The following UVRAG variants were observed in gnomAD, a reference collection of about 807,000 sequenced individuals.
UVRAG encodes the protein UV radiation resistance associated, also known as UV radiation resistance-associated gene protein.
A neutral mutation model predicts 78.0 loss-of-function variants in UVRAG; 19 were observed. That is an observed-to-expected ratio of 0.24 (90% confidence interval 0.17 to 0.36). The LOEUF is 0.36. UVRAG is among the 10% of genes least tolerant of loss of function. UVRAG has a pLI of 1.00. For missense variants in UVRAG, 740 were observed against 853.8 expected (o/e 0.87, Z 1.66); for synonymous variants, 323 against 324.6 (o/e 1.00, Z 0.05).
chr11:75,915,840 G>A (rs1358740058), intron 6 of UVRAG, among the ~76,000 whole-genome samples: 5 of 152,110 alleles, frequency 3.3e-5, no homozygotes, highest in African/African-American at 4.8e-5. Context: ...AAAGAGAGGA[G>A]GAGTAAATGA....
chr11:76,089,229 T>C (rs1004657177), intron 13 of UVRAG, among the ~76,000 whole-genome samples: 3 of 152,192 alleles, frequency 2.0e-5, no homozygotes, highest in African/African-American at 7.2e-5. Context: ...GGAGAAATTA[T>C]ACAGTAAGCG....
At chr11:75,957,756 C>A (rs894967490) in intron 6 of UVRAG, among the ~76,000 whole-genome samples, 4 of 152,086 alleles carry the variant, frequency 2.6e-5, no homozygotes, top group East Asian at 1.9e-4. Flanking sequence ...TTGTTTATTT[C>A]ATCCCTAAGT....
intron 12 of UVRAG, among the ~76,000 whole-genome samples, chr11:76,025,867 G>A (rs577408367): frequency 6.6e-6 from 1 of 152,192 alleles, no homozygotes; most frequent in African/African-American, 2.4e-5. Flanking sequence ...GTATAAAGAG[G>A]TTGGCCAAAC....
chr11:76,140,058 T>C (rs1309890717), intron 14 of UVRAG, among the ~76,000 whole-genome samples: 7 of 71,094 alleles, frequency 9.8e-5, no homozygotes, highest in East Asian at 4.3e-4. Context: ...ACTCTCTCTC[T>C]CTCCCTCCCT....
At chr11:75,954,871 C>T (rs891348785) in intron 6 of UVRAG, among the ~76,000 whole-genome samples, 31 of 152,162 alleles carry the variant, frequency 2.0e-4, no homozygotes, top group South Asian at 8.3e-4. Flanking sequence ...TCTACCTGTC[C>T]GTAATAGTCA....
intron 1 of UVRAG, among the ~76,000 whole-genome samples, chr11:75,834,216 T>C (rs1396563084): frequency 6.6e-6 from 1 of 152,190 alleles, no homozygotes; most frequent in Non-Finnish European, 1.5e-5. Context: ...CTTTGTCTTA[T>C]TTTTAAATGT....
At chr11:76,105,972 C>G (rs1397361363) in intron 13 of UVRAG, among the ~76,000 whole-genome samples, 1 of 152,146 alleles carries the variant, frequency 6.6e-6, no homozygotes, top group Non-Finnish European at 1.5e-5. Context: ...TGCCATTCAA[C>G]CCAGCAATTC....
intron 12 of UVRAG, among the ~76,000 whole-genome samples, chr11:76,046,639 T>C (rs1223022399): frequency 2.0e-5 from 3 of 152,082 alleles, no homozygotes; most frequent in Admixed American, 6.6e-5. Context: ...AGTGAATGGA[T>C]TGGAGGAAGG....
intron 13 of UVRAG, among the ~76,000 whole-genome samples, chr11:76,068,059 A>G (rs1951227747): frequency 6.6e-6 from 1 of 152,188 alleles, no homozygotes; most frequent in Non-Finnish European, 1.5e-5. Flanking sequence ...TCCAGCTTCA[A>G]ACATACACAC....
At chr11:75,887,249 G>A (rs531280638) in intron 4 of UVRAG, among the ~76,000 whole-genome samples, 66 of 150,560 alleles carry the variant, frequency 4.4e-4, no homozygotes, top group Non-Finnish European at 8.1e-4. Flanking sequence ...GGGTACAAGC[G>A]ATTCTCCTGC....
At chr11:76,128,774 C>T (rs1294320798) in intron 14 of UVRAG, among the ~76,000 whole-genome samples, 2 of 152,140 alleles carry the variant, frequency 1.3e-5, no homozygotes, top group Non-Finnish European at 2.9e-5. Flanking sequence ...TGAGCCACCC[C>T]GCCCAGCTGT....
intron 14 of UVRAG, among the ~76,000 whole-genome samples, chr11:76,128,046 G>A (rs1279774999): frequency 6.6e-6 from 1 of 152,126 alleles, no homozygotes; most frequent in Admixed American, 6.6e-5. Flanking sequence ...CACTGAGATA[G>A]GCACACTAAA....
chr11:75,932,448 C>A (rs1948263631), intron 6 of UVRAG, among the ~76,000 whole-genome samples: 1 of 151,984 alleles, frequency 6.6e-6, no homozygotes, highest in Non-Finnish European at 1.5e-5. Flanking sequence ...CCATGCCCAG[C>A]TAATTTTTTG....
intron 6 of UVRAG, among the ~76,000 whole-genome samples, chr11:75,923,767 C>G (rs140329136): frequency 7.2e-5 from 11 of 152,198 alleles, no homozygotes; most frequent in Admixed American, 7.2e-4. Context: ...AGGAAACCAC[C>G]TATTTCCTCT....
intron 1 of UVRAG, among the ~76,000 whole-genome samples, chr11:75,838,028 C>T (rs1945822531): frequency 6.6e-6 from 1 of 152,016 alleles, no homozygotes; most frequent in Non-Finnish European, 1.5e-5. Flanking sequence ...CATACCACCA[C>T]CGCTGCAATC....
chr11:76,023,754 T>C (rs1158973994), intron 12 of UVRAG, among the ~76,000 whole-genome samples: 2 of 152,188 alleles, frequency 1.3e-5, no homozygotes, highest in Non-Finnish European at 2.9e-5. Flanking sequence ...TTTGAGTTTC[T>C]TTTTTCTTGA....
chr11:75,835,042 A>G (rs953072217), intron 1 of UVRAG, among the ~76,000 whole-genome samples: 1 of 152,072 alleles, frequency 6.6e-6, no homozygotes, highest in African/African-American at 2.4e-5. Context: ...AACTGATAAC[A>G]CTGGTTGCCC....
Position 75,858,152 on chromosome 11 carries a change from A to AT in UVRAG, c.236-3594_236-3593insT, listed in dbSNP as rs1204086820. 3.1e-4 allele frequency among the ~76,000 whole-genome samples: 47 copies of AT among 149,222 alleles called. 1 individual carries two copies. The highest frequency in any genetic ancestry group is 1.1e-3 in the African/African-American group (43 of 38,722). On this transcript the variant is annotated intron_variant, in intron 2 of 14. Coordinates refer to ENST00000356136, the MANE Select transcript of UVRAG (RefSeq NM_003369.4). ...ATTTAATTTTTTAATAGGTAAAAAA[A>AT]AATATATATGTGTATATATATATAA...
chr11:75,964,108 G>A (rs888583044), intron 7 of UVRAG, among the ~76,000 whole-genome samples: 3 of 152,208 alleles, frequency 2.0e-5, no homozygotes, highest in East Asian at 3.9e-4. Flanking sequence ...CTTGGTCATG[G>A]TGAATTACTT....
Sources: gnomAD v4.1 joint callset for allele counts (sites outside exome capture counted in the v4.1 genomes callset) on GRCh38, gnomAD v4.1.1 for gene constraint, MANE v1.5 for transcripts, NCBI Gene and HGNC (gene_info 2026-07-23, HGNC 2026-07-21) for gene names.